Variants in MYO3B observed in about 807,000 individuals in gnomAD.
MYO3B encodes myosin IIIB.
In MYO3B, 156 loss-of-function variants were observed where a neutral mutation model predicts 174.6. The observed-to-expected ratio is 0.89, with a 90% CI of 0.78 to 1.02. The LOEUF is 1.02. Ranked by LOEUF, MYO3B falls within the 50% of genes least tolerant of loss-of-function variation. MYO3B has a pLI of 0.00. For missense variants in MYO3B, 1,632 were observed against 1,639.4 expected (o/e 1.00, Z 0.08); for synonymous variants, 563 against 569.1 (o/e 0.99, Z 0.15).
Position 170,392,443 on chromosome 2 carries a change from G to A in MYO3B, c.1739G>A (p.Arg580Lys). 1 of 1,600,016 alleles carries A rather than the reference G, an allele frequency of 6.2e-7. No homozygotes were observed. The highest frequency in any genetic ancestry group is 8.5e-7 in the Non-Finnish European group (1 of 1,171,406). ...HDITSKESYR[R>K]QFEAIQHCFR... ...ATAACTTCCAAGGAGTCTTACAGAA[G>A]ACAATTCGAAGCAATTCAGCATTGC... is the stretch of plus-strand genomic sequence containing the variant. The change falls in exon 16 of 35, where the codon AGA becomes AAA. Residue 580 changes from arginine to lysine, a missense_variant. Transcript: ENST00000408978.
chr2:170,484,059 A>G (rs114118556), intron 25 of MYO3B, among the ~76,000 whole-genome samples: 23 of 152,316 alleles, frequency 1.5e-4, no homozygotes, highest in Non-Finnish European at 2.5e-4. Context: ...ATTGCTAACT[A>G]TGTTTCTTCA....
Position 170,322,476 on chromosome 2 carries a change from C to A in MYO3B, c.750-12909C>A, listed in dbSNP as rs553657484. Among the ~76,000 whole-genome samples the A allele has an allele frequency of 7.4e-4, 113 of 152,278 alleles. 1 individual carries two copies. Among genetic ancestry groups the A allele is most frequent in the Non-Finnish European group, 1.3e-3 (90 of 68,020 alleles). ...CTTGAGGTTGGTGAAAACAATTGGC[C>A]ATATTCTGGCTCAGTGGAGACATGA... is the stretch of plus-strand genomic sequence containing the variant. On this transcript the variant is annotated intron_variant, in intron 7 of 34. Coordinates refer to ENST00000408978, the MANE Select transcript of MYO3B (RefSeq NM_138995.5).
intron 32 of MYO3B, among the ~76,000 whole-genome samples, chr2:170,633,455 T>G (rs567755952): frequency 6.6e-6 from 1 of 152,318 alleles, no homozygotes; most frequent in Non-Finnish European, 1.5e-5. Flanking sequence ...AAACTAGGTA[T>G]TCAAGGAACA....
intron 22 of MYO3B, among the ~76,000 whole-genome samples, chr2:170,416,549 C>T (rs1303207313): frequency 6.7e-6 from 1 of 148,384 alleles, no homozygotes; most frequent in East Asian, 2.0e-4. Flanking sequence ...AAAAAGATAC[C>T]AACTAGATCA....
chr2:170,195,601 T>C (rs1485981457), intron 1 of MYO3B, among the ~76,000 whole-genome samples: 1 of 152,198 alleles, frequency 6.6e-6, no homozygotes, highest in Admixed American at 6.5e-5. Context: ...CCGAGGGCAC[T>C]GAGCTTGTTA....
chr2:170,533,317 T>C (rs1165346192), intron 30 of MYO3B, among the ~76,000 whole-genome samples: 1 of 152,106 alleles, frequency 6.6e-6, no homozygotes, highest in Non-Finnish European at 1.5e-5. Flanking sequence ...TAGTGCCATG[T>C]GTGTCATGCA....
At chr2:170,565,156 G>A (rs373571101) in intron 32 of MYO3B, among the ~76,000 whole-genome samples, 1 of 152,054 alleles carries the variant, frequency 6.6e-6, no homozygotes, top group Non-Finnish European at 1.5e-5. Context: ...TCAAACAGGC[G>A]AGGATTGAAC....
intron 7 of MYO3B, among the ~76,000 whole-genome samples, chr2:170,327,127 C>T (rs2093873891): frequency 6.6e-6 from 1 of 152,242 alleles, no homozygotes; most frequent in Non-Finnish European, 1.5e-5. Flanking sequence ...TGGCTCACGC[C>T]TGTAATCCCA....
At chr2:170,494,658 G>T (rs1350320544) in intron 25 of MYO3B, among the ~76,000 whole-genome samples, 1 of 140,510 alleles carries the variant, frequency 7.1e-6, no homozygotes, top group Non-Finnish European at 1.5e-5. Flanking sequence ...AACCTGGGAG[G>T]CAGAGGTTGC....
intron 7 of MYO3B, among the ~76,000 whole-genome samples, chr2:170,248,518 T>C (rs939209725): frequency 1.3e-5 from 2 of 152,206 alleles, no homozygotes; most frequent in Admixed American, 1.3e-4. Flanking sequence ...CTCCCTGGGC[T>C]AAAATCAAGG....
chr2:170,583,774 A>G (rs1693314278), intron 32 of MYO3B, among the ~76,000 whole-genome samples: 1 of 152,172 alleles, frequency 6.6e-6, no homozygotes, highest in Non-Finnish European at 1.5e-5. Context: ...ACAGTTTGAG[A>G]GAAGTTTAGC....
chr2:170,388,495 C>G (rs1026722356), intron 14 of MYO3B, among the ~76,000 whole-genome samples: 1 of 152,060 alleles, frequency 6.6e-6, no homozygotes, highest in Non-Finnish European at 1.5e-5. Flanking sequence ...AGACTGAGAC[C>G]AAATCATGCA....
chr2:170,342,554 C>T (rs1221556844), intron 8 of MYO3B, among the ~76,000 whole-genome samples: 1 of 152,102 alleles, frequency 6.6e-6, no homozygotes, highest in Non-Finnish European at 1.5e-5. Context: ...TTTAACCTGT[C>T]TGACCGCCAG....
rs1414185968 is a variant in MYO3B at position 170,466,523 on chromosome 2, G to A, written c.2826G>A (p.Leu942=). ...ASYFRYSLMD[L]LSKMVVGQPH... ...CCTGGTAGTATTCTCTGATGGACCT[G>A]CTCTCCAAAATGGTGGTTGGACAGC... The change falls in exon 25 of 35, where the codon CTG becomes CTA. Residue 942 remains leucine (L), a synonymous_variant. Transcript: ENST00000408978. 1 of 1,614,094 alleles carries A rather than the reference G, an allele frequency of 6.2e-7. No homozygotes were observed. The highest frequency in any genetic ancestry group is 8.5e-7 in the Non-Finnish European group (1 of 1,180,010).
intron 32 of MYO3B, among the ~76,000 whole-genome samples, chr2:170,550,494 T>C (rs527663929): frequency 6.6e-6 from 1 of 152,176 alleles, no homozygotes; most frequent in Non-Finnish European, 1.5e-5. Flanking sequence ...GGACTTCCCT[T>C]TGAAAATCAC....
intron 3 of MYO3B, among the ~76,000 whole-genome samples, chr2:170,203,497 GC>G (rs1309765820): frequency 0.035 from 4,718 of 133,306 alleles, 347 homozygotes; most frequent in African/African-American, 0.091. Flanking sequence ...AAAGGGGGCG[GC>G]GGGGGGGGGA....
At chr2:170,332,079 A>G (rs1376981093) in intron 7 of MYO3B, 2 of 152,240 alleles carry the variant, frequency 1.3e-5, no homozygotes, top group Admixed American at 1.3e-4. Flanking sequence ...GAATGTGGAC[A>G]TCTTTGAGGG....
chr2:170,217,211 C>A, intron 5 of MYO3B, 108 bp from the exon 6 acceptor site: 2 of 894,250 alleles, frequency 2.2e-6, no homozygotes, highest in Non-Finnish European at 3.8e-6. Context: ...GACCATATGG[C>A]CCACAAAGCC....
At chr2:170,330,648 A>T (rs758192334) in intron 7 of MYO3B, among the ~76,000 whole-genome samples, 2 of 152,212 alleles carry the variant, frequency 1.3e-5, no homozygotes, top group Non-Finnish European at 2.9e-5. Context: ...GTATGTGTGT[A>T]TAATGGTTGT....
Sources: allele counts gnomAD v4.1 joint callset (sites outside exome capture counted in the v4.1 genomes callset), GRCh38; gene constraint gnomAD v4.1.1; transcripts MANE v1.5; gene names NCBI Gene and HGNC (gene_info 2026-07-23, HGNC 2026-07-21).